The following SAMD4A variants were observed in gnomAD, a reference collection of about 807,000 sequenced individuals.
SAMD4A encodes sterile alpha motif domain containing 4A.
Under a neutral mutation model 81.3 loss-of-function variants are expected in SAMD4A, and 33 were observed. That is an observed-to-expected ratio of 0.41 (90% confidence interval 0.31 to 0.54). SAMD4A has a LOEUF of 0.54. SAMD4A is among the 20% of genes least tolerant of loss of function. The pLI, the probability that SAMD4A is intolerant of heterozygous loss-of-function variation, is 0.37. For missense variants in SAMD4A, 854 were observed against 951.1 expected, an observed-to-expected ratio of 0.90 and a Z score of 1.34; for synonymous variants, 389 against 382.1, an observed-to-expected ratio of 1.02 and a Z score of -0.21.
At chr14:54,756,357 C>T (rs996233165) in intron 6 of SAMD4A, among the ~76,000 whole-genome samples, 2 of 152,122 alleles carry the variant, frequency 1.3e-5, no homozygotes, top group East Asian at 1.9e-4. Flanking sequence ...GAGCCCTGCT[C>T]GGCCACGTAT....
At chr14:54,781,099 C>T (rs1296884576) in intron 11 of SAMD4A, among the ~76,000 whole-genome samples, 1 of 152,210 alleles carries the variant, frequency 6.6e-6, no homozygotes, top group East Asian at 1.9e-4. Flanking sequence ...CTCAGTGAAC[C>T]AGACTCCACA....
intron 2 of SAMD4A, among the ~76,000 whole-genome samples, chr14:54,683,529 T>C (rs1205971185): frequency 6.6e-6 from 1 of 152,224 alleles, no homozygotes; most frequent in Non-Finnish European, 1.5e-5. Context: ...CATCACAACC[T>C]GTACCACACA....
intron 2 of SAMD4A, among the ~76,000 whole-genome samples, chr14:54,680,060 C>A (rs1566580801): frequency 6.6e-6 from 1 of 152,214 alleles, no homozygotes; most frequent in Non-Finnish European, 1.5e-5. Flanking sequence ...ATCTTCAGAT[C>A]ATGGGTGGCT....
At chr14:54,777,944 C>G (rs17127944) in intron 11 of SAMD4A, among the ~76,000 whole-genome samples, 6,720 of 152,180 alleles carry the variant, frequency 0.044, 425 homozygotes, top group African/African-American at 0.14. Context: ...TTTGGGGGTT[C>G]TGAAGGCTTT....
At chr14:54,776,642 C>A in intron 11 of SAMD4A, 102 bp downstream of exon 11, 3 of 1,294,746 alleles carry the variant, frequency 2.3e-6, no homozygotes, top group Non-Finnish European at 3.0e-6. Flanking sequence ...TGTCACCGTG[C>A]ATTCTTTGGA....
chr14:54,757,907 A>G (rs1418794585), intron 6 of SAMD4A, among the ~76,000 whole-genome samples: 2 of 152,146 alleles, frequency 1.3e-5, no homozygotes, highest in East Asian at 3.9e-4. Flanking sequence ...TGGGTCAGCT[A>G]GCTCACCTCC....
chr14:54,697,584 T>G (rs1012154570), intron 2 of SAMD4A, among the ~76,000 whole-genome samples: 3 of 152,170 alleles, frequency 2.0e-5, no homozygotes, highest in South Asian at 2.1e-4. Context: ...AACGGGAACT[T>G]CATGGGTCCA....
intron 12 of SAMD4A, among the ~76,000 whole-genome samples, chr14:54,786,760 A>C (rs528491820): frequency 9.8e-5 from 15 of 152,368 alleles, no homozygotes; most frequent in African/African-American, 2.9e-4. Flanking sequence ...AGAATACCAA[A>C]TGCTCTTTAT....
chr14:54,781,140 G>A (rs574363099), intron 11 of SAMD4A, among the ~76,000 whole-genome samples: 79 of 152,208 alleles, frequency 5.2e-4, no homozygotes, highest in Middle Eastern at 6.8e-3. Flanking sequence ...AGTTGCCTCC[G>A]CTGTCATTGG....
intron 2 of SAMD4A, among the ~76,000 whole-genome samples, chr14:54,678,642 G>T (rs1199322647): frequency 4.6e-5 from 7 of 150,896 alleles, no homozygotes; most frequent in Admixed American, 4.6e-4. Flanking sequence ...TCCGCCTCCC[G>T]GGTTCACGCC....
intron 2 of SAMD4A, among the ~76,000 whole-genome samples, chr14:54,638,851 T>G (rs571313940): frequency 9.8e-5 from 15 of 152,354 alleles, no homozygotes; most frequent in African/African-American, 3.4e-4. Context: ...TATACCGATG[T>G]TCTAAGAGAG....
intron 3 of SAMD4A, among the ~76,000 whole-genome samples, chr14:54,724,666 CAG>C (rs2037368766): frequency 6.6e-6 from 1 of 152,150 alleles, no homozygotes; most frequent in South Asian, 2.1e-4. Context: ...ACAGCAAAAA[CAG>C]AGTTCATTCA....
chr14:54,582,190 A>C (rs1280089068), intron 2 of SAMD4A, among the ~76,000 whole-genome samples: 1 of 151,892 alleles, frequency 6.6e-6, no homozygotes, highest in Admixed American at 6.6e-5. Context: ...TGGCATATGT[A>C]TGTTTAGTTC....
chr14:54,752,761 GTC>G (rs2038140595), intron 6 of SAMD4A, among the ~76,000 whole-genome samples: 1 of 152,198 alleles, frequency 6.6e-6, no homozygotes, highest in African/African-American at 2.4e-5. Flanking sequence ...ACCGGCACCG[GTC>G]TCTGAGTTCC....
At chr14:54,724,131 A>G (rs1328215798) in intron 3 of SAMD4A, among the ~76,000 whole-genome samples, 1 of 152,200 alleles carries the variant, frequency 6.6e-6, no homozygotes, top group Non-Finnish European at 1.5e-5. Context: ...CATTATTGTA[A>G]CTATTTTCCA....
intron 8 of SAMD4A, among the ~76,000 whole-genome samples, chr14:54,765,630 A>G (rs891360944): frequency 2.8e-5 from 4 of 144,778 alleles, no homozygotes; most frequent in South Asian, 2.1e-4. Context: ...TGTCTCGGGG[A>G]AAAAAAAAAA....
At chr14:54,627,505 A>G (rs1455336186) in intron 2 of SAMD4A, among the ~76,000 whole-genome samples, 2 of 152,184 alleles carry the variant, frequency 1.3e-5, no homozygotes, top group African/African-American at 4.8e-5. Context: ...TTTGACTCTG[A>G]TTTGCCTTTC....
chr14:54,566,747 A>ACG (rs1366522731), upstream of SAMD4A, among the ~76,000 whole-genome samples: 2 of 151,724 alleles, frequency 1.3e-5, no homozygotes, highest in Non-Finnish European at 1.5e-5. Context: ...CCTGCCACAC[A>ACG]CGCGCGCACA....
chr14:54,662,978 G>A (rs2035677608), intron 2 of SAMD4A, among the ~76,000 whole-genome samples: 1 of 152,154 alleles, frequency 6.6e-6, no homozygotes, highest in African/African-American at 2.4e-5. Context: ...TACAGCCTTT[G>A]TTGCACAGTG....
Sources: allele counts gnomAD v4.1 joint callset (sites outside exome capture counted in the v4.1 genomes callset), GRCh38; gene constraint gnomAD v4.1.1; transcripts MANE v1.5; gene names NCBI Gene and HGNC (gene_info 2026-07-23, HGNC 2026-07-21).